The following NELL2 variants were observed in gnomAD, a reference collection of about 807,000 sequenced individuals.
The protein encoded by NELL2 is neural EGFL like 2, also known as protein kinase C-binding protein NELL2.
Under a neutral mutation model 109.6 loss-of-function variants are expected in NELL2, and 41 were observed. That is an observed-to-expected ratio of 0.37 (90% CI 0.29 to 0.49). NELL2 has a LOEUF of 0.49. NELL2 is among the 20% of genes least tolerant of loss of function. The pLI is 0.98. For synonymous variants in NELL2, 355 were observed against 344.7 expected (o/e 1.03, Z -0.33); for missense variants, 900 against 1,008.3 (o/e 0.89, Z 1.45).
intron 3 of NELL2, among the ~76,000 whole-genome samples, chr12:44,787,571 A>C (rs1942225080): frequency 6.6e-6 from 1 of 152,208 alleles, no homozygotes; most frequent in Admixed American, 6.5e-5. Flanking sequence ...TATACAGTAC[A>C]GTAATCAATA....
intron 1 of NELL2, among the ~76,000 whole-genome samples, chr12:44,886,135 GGAAGGAAGGAAGAA>G (rs1566593519): frequency 6.8e-6 from 1 of 147,016 alleles, no homozygotes; most frequent in Non-Finnish European, 1.5e-5. Flanking sequence ...AAGGAAGGAA[GGAAGGAAGGAAGAA>G]AGGGAGAGAA....
intron 15 of NELL2, among the ~76,000 whole-genome samples, chr12:44,590,469 C>T (rs1944704060): frequency 6.6e-6 from 1 of 152,094 alleles, no homozygotes; most frequent in South Asian, 2.1e-4. Flanking sequence ...GTAATAAATG[C>T]TTACGTTTTC....
chr12:44,681,551 A>G (rs1179371607), intron 12 of NELL2, among the ~76,000 whole-genome samples: 2 of 152,008 alleles, frequency 1.3e-5, no homozygotes, highest in African/African-American at 4.8e-5. Flanking sequence ...ATATTGCCCA[A>G]TGCTATCCCT....
intron 11 of NELL2, among the ~76,000 whole-genome samples, chr12:44,706,690 T>C (rs1168486531): frequency 2.6e-5 from 4 of 152,202 alleles, no homozygotes; most frequent in Non-Finnish European, 2.9e-5. Flanking sequence ...CTAAAGTTAT[T>C]AGAGCACTAC....
intron 3 of NELL2, among the ~76,000 whole-genome samples, chr12:44,814,793 C>T (rs1041390611): frequency 6.6e-6 from 1 of 152,178 alleles, no homozygotes; most frequent in Non-Finnish European, 1.5e-5. Context: ...ATTTTGTTCT[C>T]CACATAGATT....
At chr12:44,823,707 C>A (rs1280520903) in intron 2 of NELL2, among the ~76,000 whole-genome samples, 2 of 152,116 alleles carry the variant, frequency 1.3e-5, no homozygotes, top group Admixed American at 1.3e-4. Context: ...CATGGGAGTA[C>A]AAATATTCTT....
chr12:44,666,085 A>G (rs1167964), intron 12 of NELL2, among the ~76,000 whole-genome samples: 146,798 of 152,300 alleles, frequency 0.96, 70,791 homozygotes, highest in East Asian at 1. Flanking sequence ...CCAATTGCAC[A>G]AGCTTATTAG....
At chr12:44,908,501 A>ATATAT in intron 1 of NELL2, among the ~76,000 whole-genome samples, 1 of 152,100 alleles carries the variant, frequency 6.6e-6, no homozygotes, top group Admixed American at 6.6e-5. Context: ...TATGGTATTG[A>ATATAT]ATGAACATAG....
chr12:44,549,166 G>A (rs1942926652), intron 15 of NELL2, among the ~76,000 whole-genome samples: 1 of 152,158 alleles, frequency 6.6e-6, no homozygotes, highest in Non-Finnish European at 1.5e-5. Context: ...ACAAATTCCT[G>A]GAAGTAATTA....
chr12:44,664,777 C>T lies in NELL2; in HGVS notation c.1444+707G>A, dbSNP rs1378545407. ...AGAGATGAAAAGAAATGTTCTGTTT[C>T]ACACCCACATTTCCTCAAATCCTAC... On this transcript the variant is annotated intron_variant, in intron 13 of 19. Coordinates refer to ENST00000429094, the MANE Select transcript of NELL2 (RefSeq NM_001145108.2). Among the ~76,000 whole-genome samples the T allele has an allele frequency of 4.6e-5, 7 of 152,154 alleles. No homozygotes were observed. The South Asian group carries it at 8.3e-4, about 18-fold the overall frequency.
At chr12:44,607,476 C>T (rs1226828084) in intron 14 of NELL2, among the ~76,000 whole-genome samples, 6 of 152,008 alleles carry the variant, frequency 3.9e-5, no homozygotes, top group Non-Finnish European at 5.9e-5. Flanking sequence ...AAGTATTTCA[C>T]CCTTAAAACA....
intron 9 of NELL2, among the ~76,000 whole-genome samples, chr12:44,737,766 C>A (rs1939726202): frequency 6.6e-6 from 1 of 151,994 alleles, no homozygotes; most frequent in African/African-American, 2.4e-5. Context: ...TAAACTAAGT[C>A]TTCCTCTCCA....
In NELL2 at chr12:44,752,899, C is replaced by A. The variant is rs11182637; in HGVS notation, c.994+21848G>T. Among the ~76,000 whole-genome samples the A allele has an allele frequency of 5.4e-3, 819 of 152,248 alleles. 11 individuals carry two copies. Among genetic ancestry groups the A allele is most frequent in the East Asian group, 0.032 (168 of 5,174 alleles). ...CTAGGCCTAAGTCCTCTTGCTATCT[C>A]CTAAACCATTGCAAACAGGCAGAAA... On this transcript the variant is annotated intron_variant, in intron 9 of 19. Coordinates refer to ENST00000429094, the MANE Select transcript of NELL2 (RefSeq NM_001145108.2).
intron 15 of NELL2, among the ~76,000 whole-genome samples, chr12:44,600,650 A>T (rs1945184663): frequency 6.6e-6 from 1 of 152,230 alleles, no homozygotes; most frequent in Non-Finnish European, 1.5e-5. Flanking sequence ...TAAGACATGT[A>T]TTCCTATTGA....
chr12:44,591,366 G>GAATC (rs1944741333), intron 15 of NELL2, among the ~76,000 whole-genome samples: 1 of 152,114 alleles, frequency 6.6e-6, no homozygotes, highest in African/African-American at 2.4e-5. Flanking sequence ...CCAAGATACA[G>GAATC]AATCAACCTA....
intron 13 of NELL2, among the ~76,000 whole-genome samples, chr12:44,664,565 G>A (rs1458530188): frequency 1.3e-5 from 2 of 151,942 alleles, no homozygotes; most frequent in Admixed American, 6.6e-5. Flanking sequence ...ATTTTTACTA[G>A]GGAGGATTAT....
chr12:44,785,448 C>A (rs1016465995), intron 3 of NELL2, among the ~76,000 whole-genome samples: 9 of 152,150 alleles, frequency 5.9e-5, no homozygotes, highest in Non-Finnish European at 1.2e-4. Flanking sequence ...AATGGCCATA[C>A]TGCCCAAAGT....
intron 12 of NELL2, among the ~76,000 whole-genome samples, chr12:44,698,468 G>C (rs1309766077): frequency 6.6e-6 from 1 of 152,154 alleles, no homozygotes; most frequent in African/African-American, 2.4e-5. Context: ...AATAAATGAT[G>C]TTTTATGAAT....
rs71093810 is a variant in NELL2, at chr12:44,517,371, TTCTCTCTCTCTCTCTC to T, written c.2400+2618_2400+2633del. On this transcript the variant is annotated intron_variant, in intron 19 of 19. Transcript: ENST00000429094. ...GTCTGGTACCTACCCACCAACTACTTTCTCTCTCTCTCTCTCTCTCTCTCTCTCTCTCTCTCTCTCT... is the reference window on the plus strand; with the variant it reads ...GTCTGGTACCTACCCACCAACTACTTTCTCTCTCTCTCTCTCTCTCTCTCT... Among the ~76,000 whole-genome samples, 616 of 102,506 alleles carry T rather than the reference TTCTCTCTCTCTCTCTC, an allele frequency of 6.0e-3. 8 individuals are homozygous for T. The highest frequency in any genetic ancestry group is 0.017 in the African/African-American group (478 of 28,928). The allele number at this position is 102,506 out of a possible 152,430, so 67.2% of individuals were successfully genotyped here.
Sources: allele counts gnomAD v4.1 joint callset (sites outside exome capture counted in the v4.1 genomes callset), GRCh38; gene constraint gnomAD v4.1.1; transcripts MANE v1.5; gene names NCBI Gene and HGNC (gene_info 2026-07-23, HGNC 2026-07-21).